GRIA1: variants seen among roughly 807,000 people sequenced by gnomAD.
The protein encoded by GRIA1 is glutamate ionotropic receptor AMPA type subunit 1.
In GRIA1, 31 loss-of-function variants were observed where a neutral mutation model predicts 99.2. The observed-to-expected ratio is 0.31, with a 90% CI of 0.23 to 0.42. The LOEUF (loss-of-function observed/expected upper bound fraction) is 0.42, where lower values mean the gene tolerates loss of function less well. Among genes scored for constraint, GRIA1 ranks in the 10% least tolerant of loss-of-function variants. The probability of loss-of-function intolerance (pLI) is 1.00; values close to 1 mark genes in which losing one functional copy is unlikely to be tolerated. For missense variants in GRIA1, 782 were observed against 1,157.5 expected (o/e 0.68, Z 4.71); for synonymous variants, 438 against 432.4 (o/e 1.01, Z -0.16).
chr5:153,590,597 C>T (rs1763884739), intron 2 of GRIA1, among the ~76,000 whole-genome samples: 1 of 149,448 alleles, frequency 6.7e-6, no homozygotes, highest in Non-Finnish European at 1.5e-5. Context: ...AGATCTTTTT[C>T]CTACAGGACT....
At chr5:153,698,265 G>C (rs980716433) in intron 9 of GRIA1, 111 bp downstream of exon 9, 2 of 559,120 alleles carry the variant, frequency 3.6e-6, no homozygotes, top group Admixed American at 6.0e-5. Context: ...CTGTGTAATA[G>C]ATAAAAGCAG....
chr5:153,788,691 T>C (rs939936780), intron 13 of GRIA1, among the ~76,000 whole-genome samples: 3 of 152,246 alleles, frequency 2.0e-5, no homozygotes, highest in Admixed American at 2.0e-4. Flanking sequence ...CCAATTAGAC[T>C]GTAAGCCTTA....
chr5:153,550,086 G>C (rs945291944), intron 2 of GRIA1, among the ~76,000 whole-genome samples: 4 of 152,134 alleles, frequency 2.6e-5, no homozygotes, highest in Non-Finnish European at 5.9e-5. Context: ...ATGAGCTATA[G>C]AGAAAGCTTA....
intron 12 of GRIA1, among the ~76,000 whole-genome samples, chr5:153,765,745 C>T (rs547075986): frequency 6.6e-5 from 10 of 152,286 alleles, no homozygotes; most frequent in East Asian, 1.9e-4. Flanking sequence ...CATTTGCTAC[C>T]GCCTACATAT....
chr5:153,701,738 A>C (rs6891901), intron 10 of GRIA1, among the ~76,000 whole-genome samples: 115 of 151,754 alleles, frequency 7.6e-4, no homozygotes, highest in African/African-American at 2.5e-3. Context: ...GGAAGAACCA[A>C]GTGATTTGGA....
intron 2 of GRIA1, among the ~76,000 whole-genome samples, chr5:153,606,803 T>C (rs1765475646): frequency 6.6e-6 from 1 of 151,716 alleles, no homozygotes; most frequent in Admixed American, 6.6e-5. Context: ...ATGTCATTTA[T>C]GGGTAATGAG....
intron 2 of GRIA1, among the ~76,000 whole-genome samples, chr5:153,585,299 C>CTTTTTT (rs10586598): frequency 8.6e-5 from 6 of 70,100 alleles, no homozygotes; most frequent in Non-Finnish European, 9.6e-5. Context: ...TTCTCTCTCT[C>CTTTTTT]TTTTTTTTTT....
At chr5:153,643,597 G>T (rs1402211720) in intron 2 of GRIA1, among the ~76,000 whole-genome samples, 2 of 152,104 alleles carry the variant, frequency 1.3e-5, no homozygotes, top group African/African-American at 4.8e-5. Flanking sequence ...TCTCTCTGCT[G>T]TTGCTTAAGT....
chr5:153,541,433 G>C (rs1759081741), intron 2 of GRIA1, among the ~76,000 whole-genome samples: 1 of 152,166 alleles, frequency 6.6e-6, no homozygotes, highest in Admixed American at 6.5e-5. Flanking sequence ...TTTCATTCAT[G>C]ACTATAGTCT....
intron 11 of GRIA1, among the ~76,000 whole-genome samples, chr5:153,722,935 G>T (rs966144154): frequency 6.6e-6 from 1 of 152,300 alleles, no homozygotes; most frequent in Admixed American, 6.5e-5. Flanking sequence ...TTTCTGAACA[G>T]TTTCACACCT....
At chr5:153,549,108 AC>A (rs1158631086) in intron 2 of GRIA1, among the ~76,000 whole-genome samples, 4 of 152,214 alleles carry the variant, frequency 2.6e-5, no homozygotes, top group African/African-American at 9.6e-5. Context: ...TAAAGAGTTA[AC>A]AATCAGCTAA....
chr5:153,497,818 C>A (rs752301753), intron 2 of GRIA1, among the ~76,000 whole-genome samples: 2 of 152,178 alleles, frequency 1.3e-5, no homozygotes, highest in African/African-American at 2.4e-5. Flanking sequence ...AAGTTGCATT[C>A]CCCACCCTGG....
intron 11 of GRIA1, 76 bp from the exon 12 acceptor site, chr5:153,764,358 C>T (rs983940905): frequency 9.1e-7 from 1 of 1,104,606 alleles, no homozygotes; most frequent in Non-Finnish European, 1.4e-6. Flanking sequence ...AAGCCCCGGA[C>T]CCGTGCTCAG....
chr5:153,548,598 A>G (rs1759823185), intron 2 of GRIA1, among the ~76,000 whole-genome samples: 1 of 152,178 alleles, frequency 6.6e-6, no homozygotes, highest in African/African-American at 2.4e-5. Flanking sequence ...TGGTTTAGCC[A>G]GTTGTTGGTC....
chr5:153,670,443 AT>A (rs11319462), intron 5 of GRIA1, among the ~76,000 whole-genome samples: 53,877 of 149,128 alleles, frequency 0.36, 10,669 homozygotes, highest in Non-Finnish European at 0.45. Context: ...GATTAATTTC[AT>A]TTTTTTTTTT....
At chr5:153,597,359 A>C (rs1353059413) in intron 2 of GRIA1, among the ~76,000 whole-genome samples, 1 of 152,034 alleles carries the variant, frequency 6.6e-6, no homozygotes, top group Non-Finnish European at 1.5e-5. Flanking sequence ...TTTGCATGTT[A>C]TTCTTCTTTC....
chr5:153,563,697 T>C (rs1245303969), intron 2 of GRIA1, among the ~76,000 whole-genome samples: 2 of 152,216 alleles, frequency 1.3e-5, no homozygotes, highest in Admixed American at 1.3e-4. Context: ...TCAGTCAATC[T>C]TGAAGAAGGA....
intron 5 of GRIA1, among the ~76,000 whole-genome samples, chr5:153,673,962 C>T (rs562859166): frequency 6.6e-6 from 1 of 152,326 alleles, no homozygotes; most frequent in South Asian, 2.1e-4. Flanking sequence ...TCGGCCTCTT[C>T]CACAGACTTG....
At chr5:153,666,504 G>A (rs56004008) in intron 5 of GRIA1, among the ~76,000 whole-genome samples, 15,693 of 152,152 alleles carry the variant, frequency 0.1, 958 homozygotes, top group Non-Finnish European at 0.14. Flanking sequence ...CTTCATTGCA[G>A]GACAGGACAT....
Sources: gnomAD v4.1 joint callset for allele counts (sites outside exome capture counted in the v4.1 genomes callset) on GRCh38, gnomAD v4.1.1 for gene constraint, MANE v1.5 for transcripts, NCBI Gene and HGNC (gene_info 2026-07-23, HGNC 2026-07-21) for gene names.